TMC8: variants seen among roughly 807,000 people sequenced by gnomAD.
TMC8 encodes the protein transmembrane channel like 8.
Under a neutral mutation model 76.0 loss-of-function variants are expected in TMC8, and 71 were observed. That is an observed-to-expected ratio of 0.93 (90% CI 0.77 to 1.14). TMC8 has a LOEUF of 1.14. Ranked by LOEUF, TMC8 falls within the 50% of genes most tolerant of loss-of-function variation. TMC8 has a pLI of 0.00. For missense variants in TMC8, 924 were observed against 947.9 expected, an observed-to-expected ratio of 0.97 and a Z score of 0.33; for synonymous variants, 433 against 433.8, an observed-to-expected ratio of 1.00 and a Z score of 0.02.
chr17:78,139,253 G>C lies in TMC8; in HGVS notation c.1902+13G>C, dbSNP rs752353680. The stretch of plus-strand genomic sequence containing the variant: ...GCAGCTGGTGTGGGTGAGTGTCCTC[G>C]GGGCTGGTGAGGGGACAGCAGCTTC... On this transcript the variant is annotated intron_variant, in intron 15 of 15. Transcript: ENST00000318430. The C allele has an allele frequency of 5.6e-6, 9 of 1,612,994 alleles. No homozygotes were observed. The African/African-American group carries it at 1.1e-4, about 19-fold the overall frequency.
In TMC8 at chr17:78,138,148, T is replaced by C. The variant is rs1598921851; in HGVS notation, c.1493T>C (p.Leu498Pro). The change falls in exon 12 of 16, where the codon CTG becomes CCG. Residue 498 changes from leucine to proline, a missense_variant. By Grantham distance (98) the Leu-to-Pro change is moderately conservative (BLOSUM62 -3). Coordinates refer to ENST00000318430, the MANE Select transcript of TMC8 (RefSeq NM_152468.5). ...GLFYCPLLPL[L>P]NSVFLFLTFY... ...TTCTACTGCCCCCTGCTGCCCCTGC[T>C]GAATAGCGTCTTCCTCTTCCTCACC... 6.2e-7 allele frequency: 1 copy of C among 1,613,946 alleles called. No homozygotes were observed. The highest frequency in any genetic ancestry group is 8.5e-7 in the Non-Finnish European group (1 of 1,179,988).
intron 9 of TMC8, among the ~76,000 whole-genome samples, chr17:78,135,387 T>C (rs1311540008): frequency 1.3e-5 from 2 of 152,080 alleles, no homozygotes; most frequent in African/African-American, 4.8e-5. Context: ...ACCCGTGAAG[T>C]CCAGACCATC....
At chr17:78,139,911 G>A (rs1192734763) in intron 15 of TMC8, among the ~76,000 whole-genome samples, 1 of 152,104 alleles carries the variant, frequency 6.6e-6, no homozygotes, top group African/African-American at 2.4e-5. Context: ...GTGGGCGCCT[G>A]TAATCCCAGC....
At position 78,131,705 on chromosome 17, in the gene TMC8, GC is replaced by G; in HGVS notation, c.120del (p.Tyr41MetfsTer3). ...RGSGTPVRGL[P>X]YAMMDKRLIW... is the part of the protein sequence containing the mutation. ...GCTCTGGGACGCCCGTGCGCGGGCTGCCCTATGCCATGATGGACAAGCGCCT... is the reference window on the plus strand; with the variant it reads ...GCTCTGGGACGCCCGTGCGCGGGCTGCCTATGCCATGATGGACAAGCGCCT... On this transcript the variant is annotated frameshift_variant, in exon 2 of 16. Coordinates refer to ENST00000318430, the MANE Select transcript of TMC8 (RefSeq NM_152468.5). LOFTEE classifies it high-confidence loss of function. The G allele has an allele frequency of 1.3e-6, 2 of 1,582,696 alleles. No individual in the cohort carries two copies. The highest frequency in any genetic ancestry group is 1.7e-6 in the Non-Finnish European group (2 of 1,166,438).
intron 7 of TMC8, 100 bp downstream of exon 7, chr17:78,134,100 C>A: frequency 3.2e-6 from 5 of 1,550,462 alleles, no homozygotes; most frequent in Non-Finnish European, 4.4e-6. Context: ...CAAGTGCGAC[C>A]GTGCCAGTGT....
intron 8 of TMC8, 88 bp downstream of exon 8, chr17:78,134,652 C>T (rs1476012938): frequency 2.6e-6 from 4 of 1,568,364 alleles, no homozygotes; most frequent in African/African-American, 1.4e-5. Context: ...GAAACCGAGG[C>T]TCAGAGAGGT....
At chr17:78,132,947 G>A in intron 5 of TMC8, 77 bp downstream of exon 5, 2 of 1,497,358 alleles carry the variant, frequency 1.3e-6, no homozygotes, top group South Asian at 1.1e-5. Flanking sequence ...ACAAGTCTAA[G>A]AGGACCTCTG....
At chr17:78,131,762 G>A (rs772216975) in intron 2 of TMC8, 25 bp downstream of exon 2, 31 of 1,565,748 alleles carry the variant, frequency 2.0e-5, no homozygotes, top group Non-Finnish European at 2.3e-5. Context: ...GGCGCCAGAC[G>A]GTGCGTGGGG....
chr17:78,135,153 C>A, intron 9 of TMC8, 144 bp downstream of exon 9: 5 of 1,065,064 alleles, frequency 4.7e-6, no homozygotes, highest in African/African-American at 1.6e-5. Flanking sequence ...CAGGTACACA[C>A]CTCACAGCAC....
chr17:78,138,798 G>T (rs768853668), intron 14 of TMC8, 66 bp downstream of exon 14: 27 of 1,593,630 alleles, frequency 1.7e-5, no homozygotes, highest in Non-Finnish European at 2.1e-5. Context: ...TTCCATGGGG[G>T]TGGTGAGCCT....
intron 15 of TMC8, 74 bp downstream of exon 15, chr17:78,139,314 A>G (rs2075315900): frequency 6.4e-7 from 1 of 1,561,588 alleles, no homozygotes; most frequent in Non-Finnish European, 8.8e-7. Flanking sequence ...CCGAGGGCCT[A>G]GAACACGTCT....
chr17:78,134,810 G>A (rs1286417950), intron 8 of TMC8, 60 bp from the exon 9 acceptor site: 14 of 1,608,016 alleles, frequency 8.7e-6, no homozygotes, highest in East Asian at 2.2e-5. Flanking sequence ...ACTGTGGGGG[G>A]CGGGGAGCAG....
intron 2 of TMC8, 64 bp from the exon 3 acceptor site, chr17:78,131,818 T>C: frequency 6.6e-7 from 1 of 1,506,186 alleles, no homozygotes; most frequent in Non-Finnish European, 8.9e-7. Context: ...GAGCACCCCG[T>C]CTGCTTGGCC....
At chr17:78,134,291 G>A in intron 7 of TMC8, 103 bp from the exon 8 acceptor site, 1 of 1,368,480 alleles carries the variant, frequency 7.3e-7, no homozygotes, top group South Asian at 1.2e-5. Context: ...GACTGTGTAT[G>A]TGAGCGTGAA....
chr17:78,138,780 G>A, intron 14 of TMC8, 48 bp downstream of exon 14: 6 of 1,598,554 alleles, frequency 3.8e-6, no homozygotes, highest in Middle Eastern at 1.7e-4. Flanking sequence ...GGAGGGGGAG[G>A]TCCTTCCTTC....
Position 78,131,503 on chromosome 17 carries a change from C to T in TMC8, c.-86C>T. 6.6e-7 allele frequency: 1 copy of T among 1,520,262 alleles called. No homozygotes were observed. The highest frequency in any genetic ancestry group is 8.8e-7 in the Non-Finnish European group (1 of 1,134,716). The allele number at this position is 1,520,262 out of a possible 1,614,324, so 94.2% of individuals were successfully genotyped here. On this transcript the variant is annotated 5_prime_UTR_variant, in exon 2 of 16. Transcript: ENST00000318430. ...AGCCCAGCGTGCACAGAGGCCATAG[C>T]CAAGGCCTTAAGGCTCATCCAACCG...
At chr17:78,140,688 C>A (rs951439895) in intron 15 of TMC8, 146 bp from the exon 16 acceptor site, 4 of 1,116,178 alleles carry the variant, frequency 3.6e-6, no homozygotes, top group Admixed American at 4.2e-5. Flanking sequence ...TGGCCTCGAG[C>A]GGGGCGTGGC....
Position 78,132,522 on chromosome 17 carries a change from C to A in TMC8, c.448+14C>A. ...CCCTGAACTTGAGTGAGTGTGAGGC[C>A]CACCAGGGGAAGTGCTCCGGTGCCC... On this transcript the variant is annotated intron_variant, in intron 4 of 15. Coordinates refer to ENST00000318430, the MANE Select transcript of TMC8 (RefSeq NM_152468.5). 1 of 1,605,514 alleles carries A rather than the reference C, an allele frequency of 6.2e-7. No homozygotes were observed.
intron 7 of TMC8, 63 bp from the exon 8 acceptor site, chr17:78,134,331 T>C: frequency 1.9e-6 from 3 of 1,579,646 alleles, no homozygotes; most frequent in Non-Finnish European, 2.6e-6. Flanking sequence ...GAGCGTTTCC[T>C]GCACCCTTTC....
Sources: gnomAD v4.1 joint callset for allele counts (sites outside exome capture counted in the v4.1 genomes callset) on GRCh38, gnomAD v4.1.1 for gene constraint, MANE v1.5 for transcripts, NCBI Gene and HGNC (gene_info 2026-07-23, HGNC 2026-07-21) for gene names.